The following NCBP3 variants were observed in gnomAD, a reference collection of about 807,000 sequenced individuals.
NCBP3 encodes nuclear cap-binding protein subunit 3.
Under a neutral mutation model 75.7 loss-of-function variants are expected in NCBP3, and 20 were observed. That is an observed-to-expected ratio of 0.26 (90% CI 0.19 to 0.38). NCBP3 has a LOEUF of 0.38. Ranked by LOEUF, NCBP3 falls within the 10% of genes least tolerant of loss-of-function variation. The pLI is 1.00. For synonymous variants in NCBP3, 293 were observed against 290.5 expected (o/e 1.01, Z -0.09); for missense variants, 678 against 796.9 (o/e 0.85, Z 1.80).
chr17:3,832,988 G>A (rs1277670612), intron 3 of NCBP3, among the ~76,000 whole-genome samples: 1 of 152,168 alleles, frequency 6.6e-6, no homozygotes, highest in African/African-American at 2.4e-5. Context: ...GGTGGCTCAT[G>A]CGTGTAATCC....
intron 1 of NCBP3, 142 bp from the exon 2 acceptor site, chr17:3,843,293 C>G: frequency 1.5e-6 from 1 of 667,438 alleles, no homozygotes; most frequent in East Asian, 2.7e-5. Flanking sequence ...TTGCCCAGGC[C>G]GGAGTGCAGT....
chr17:3,821,567 C>T (rs546502493), intron 8 of NCBP3, among the ~76,000 whole-genome samples: 7 of 152,102 alleles, frequency 4.6e-5, no homozygotes, highest in African/African-American at 1.4e-4. Context: ...GGATTACAGG[C>T]GCCCACCACC....
chr17:3,833,305 G>A lies in NCBP3; in HGVS notation c.356-3937C>T, dbSNP rs984341577. 3.9e-5 allele frequency among the ~76,000 whole-genome samples: 6 copies of A among 152,038 alleles called. No homozygotes were observed. The East Asian group carries it at 9.6e-4, about 24-fold the overall frequency. On this transcript the variant is annotated intron_variant, in intron 3 of 12. Coordinates refer to ENST00000389005, the MANE Select transcript of NCBP3 (RefSeq NM_001114118.3). Reference sequence around the variant, plus strand: ...ATTTTTTTATTTTTTGCAGAGATGGGGTTTTACCATGTTGCCCAGGCTGGT... The same window carrying A: ...ATTTTTTTATTTTTTGCAGAGATGGAGTTTTACCATGTTGCCCAGGCTGGT...
chr17:3,835,945 C>T (rs920886527), intron 3 of NCBP3, among the ~76,000 whole-genome samples: 2 of 152,208 alleles, frequency 1.3e-5, no homozygotes, highest in Admixed American at 1.3e-4. Flanking sequence ...AGCCTTGCTA[C>T]TTACATAGCT....
At chr17:3,826,865 T>G (rs1302536703) in intron 4 of NCBP3, among the ~76,000 whole-genome samples, 2 of 150,962 alleles carry the variant, frequency 1.3e-5, no homozygotes, top group Admixed American at 6.6e-5. Flanking sequence ...TACAAAAAAT[T>G]AGCCGGGCGT....
chr17:3,843,161 A>T lies in NCBP3; in HGVS notation c.184-10T>A. 1 of 1,550,980 alleles carries T rather than the reference A, an allele frequency of 6.4e-7. No individual in the cohort carries two copies. On this transcript the variant is annotated splice_polypyrimidine_tract_variant and intron_variant, in intron 1 of 12. Transcript: ENST00000389005. The stretch of plus-strand genomic sequence containing the variant: ...ATCTTCTGCTCGTGTCCTAACACAA[A>T]GGGGAAGGGTGAGAAATTCAGACAG...
intron 12 of NCBP3, 65 bp from the exon 13 acceptor site, chr17:3,813,344 G>C (rs1488763777): frequency 6.3e-7 from 1 of 1,581,116 alleles, no homozygotes; most frequent in Non-Finnish European, 8.6e-7. Context: ...GCACTGAGGG[G>C]GCAGCAGCAC....
rs947450075 is a variant in NCBP3 at position 3,818,751 on chromosome 17, A to G, written c.1001-179T>C. 3.3e-5 allele frequency among the ~76,000 whole-genome samples: 5 copies of G among 152,230 alleles called. No individual in the cohort carries two copies. Among genetic ancestry groups the G allele is most frequent in the Non-Finnish European group, 7.3e-5 (5 of 68,038 alleles). Reference sequence around the variant, plus strand: ...CTGATACTGCAACAGGAGGATGGCTAGGTAAAGTATGATGCAGCAGCCTAA... The same window carrying G: ...CTGATACTGCAACAGGAGGATGGCTGGGTAAAGTATGATGCAGCAGCCTAA... On this transcript the variant is annotated intron_variant, in intron 9 of 12. Transcript: ENST00000389005. This position sits in a 1 kb window ranked among gnomAD's most constrained non-coding sequence, Gnocchi z 4.7.
Position 3,813,250 on chromosome 17 carries a change from G to C in NCBP3, c.1657C>G (p.Pro553Ala). 1 of 1,614,202 alleles carries C rather than the reference G, an allele frequency of 6.2e-7. No homozygotes were observed. Among genetic ancestry groups the C allele is most frequent in the South Asian group, 1.1e-5 (1 of 91,080 alleles). Residue 553 changes from proline to alanine, a missense_variant, in exon 13 of 13, where the codon CCC becomes GCC. Physicochemically the swap from Pro to Ala is conservative, Grantham distance 27. Transcript: ENST00000389005. ...TTCGTATTCTTTTCTTTGGTCTTGGGTGCAGATCCTAGGCGAGTCCATAAA... is the reference window on the plus strand; with the variant it reads ...TTCGTATTCTTTTCTTTGGTCTTGGCTGCAGATCCTAGGCGAGTCCATAAA... ...GNLWTRLGSA[P>A]KTKEKNTKKV...
rs2053431216 is a variant in NCBP3, at chr17:3,812,301, C to A, written c.*743G>T. 1 of 155,226 alleles carries A rather than the reference C, an allele frequency of 6.4e-6. No individual in the cohort carries two copies. Among genetic ancestry groups the A allele is most frequent in the South Asian group, 2.0e-4 (1 of 4,886 alleles). The allele number at this position is 155,226 out of a possible 1,614,324, so 9.6% of individuals were successfully genotyped here. ...ACATAATACAGACTTAAAAATTCTTCAACATTGACCCATAATCCCACCCCA... is the reference window on the plus strand; with the variant it reads ...ACATAATACAGACTTAAAAATTCTTAAACATTGACCCATAATCCCACCCCA... On this transcript the variant is annotated 3_prime_UTR_variant, in exon 13 of 13. Transcript: ENST00000389005.
intron 3 of NCBP3, among the ~76,000 whole-genome samples, chr17:3,837,040 C>T (rs144304939): frequency 0.022 from 3,313 of 151,502 alleles, 43 homozygotes; most frequent in Middle Eastern, 0.044. Flanking sequence ...CCCAGCTACT[C>T]GGGAGGCTGA....
intron 3 of NCBP3, among the ~76,000 whole-genome samples, chr17:3,839,194 C>G (rs2054024521): frequency 6.6e-6 from 1 of 152,014 alleles, no homozygotes; most frequent in Non-Finnish European, 1.5e-5. Context: ...TTCTAGGGAG[C>G]AAAATACCCC....
chr17:3,822,256 T>C (rs1324004113), intron 7 of NCBP3: 2 of 477,782 alleles, frequency 4.2e-6, no homozygotes, highest in Non-Finnish European at 7.4e-6. Flanking sequence ...CAGAGACGAA[T>C]GAGGTTAAAA....
chr17:3,837,995 T>TAAAA (rs1567594880), intron 3 of NCBP3, among the ~76,000 whole-genome samples: 8 of 132,034 alleles, frequency 6.1e-5, no homozygotes, highest in African/African-American at 1.3e-4. Flanking sequence ...AAAAAAAATT[T>TAAAA]TTTTAAATTA....
chr17:3,842,447 C>T (rs1181544587), intron 2 of NCBP3, among the ~76,000 whole-genome samples: 2 of 152,094 alleles, frequency 1.3e-5, no homozygotes, highest in Non-Finnish European at 2.9e-5. Flanking sequence ...CTACCATCTG[C>T]CAGGCACTTT....
At position 3,806,959 on chromosome 17, in the gene NCBP3, T is replaced by C. The variant is rs1456926415; in HGVS notation, c.*6085A>G. On this transcript the variant is annotated 3_prime_UTR_variant, in exon 13 of 13. Coordinates refer to ENST00000389005, the MANE Select transcript of NCBP3 (RefSeq NM_001114118.3). Reference sequence around the variant, plus strand: ...TAAAAGCAATTACTGTACTTATGTATCGAACTTATTTGTGTAGCAACTAAT... The same window carrying C: ...TAAAAGCAATTACTGTACTTATGTACCGAACTTATTTGTGTAGCAACTAAT... 2 of 152,224 alleles carry C rather than the reference T, an allele frequency of 1.3e-5. No homozygotes were observed. Among genetic ancestry groups the C allele is most frequent in the South Asian group, 2.1e-4 (1 of 4,832 alleles). 9.4% of individuals were successfully genotyped at this position (152,224 alleles called of 1,614,324 possible).
At position 3,813,195 on chromosome 17, in the gene NCBP3, T is replaced by G; in HGVS notation, c.1712A>C (p.Glu571Ala). The G allele has an allele frequency of 6.2e-6, 10 of 1,614,266 alleles. No homozygotes were observed. Among genetic ancestry groups the G allele is most frequent in the Non-Finnish European group, 8.5e-6 (10 of 1,180,052 alleles). Residue 571 changes from glutamate (E) to alanine (A), a missense_variant, in exon 13 of 13, where the codon GAG (glutamate) becomes GCG (alanine). By Grantham distance (107) the Glu-to-Ala change is moderately radical. Coordinates refer to ENST00000389005, the MANE Select transcript of NCBP3 (RefSeq NM_001114118.3). ...KKVDHRAPGA[E>A]EDDSELQRAW... is the part of the protein sequence containing the mutation. ...CCTTTGCAGCTCAGAGTCGTCTTCC[T>G]CAGCGCCAGGCGCCCTGTGATCCAC...
rs564811402 is a variant in NCBP3, at chr17:3,808,999, G to C, written c.*4045C>G. 1 of 152,288 alleles carries C rather than the reference G, an allele frequency of 6.6e-6. No homozygotes were observed. The highest frequency in any genetic ancestry group is 2.1e-4 in the South Asian group (1 of 4,826). The allele number at this position is 152,288 out of a possible 1,614,324, so 9.4% of individuals were successfully genotyped here. A position where few individuals can be genotyped will look rare whatever the true frequency, so the allele number is the denominator to read the frequency against. ...GGGAAATACAAATCAAAACCACAAT[G>C]AGAGCCAGGCGTGGTGGCTCATGCC... is the stretch of plus-strand genomic sequence containing the variant. On this transcript the variant is annotated 3_prime_UTR_variant, in exon 13 of 13. Transcript: ENST00000389005.
intron 4 of NCBP3, among the ~76,000 whole-genome samples, chr17:3,828,400 C>T (rs1467709853): frequency 6.6e-6 from 1 of 152,130 alleles, no homozygotes; most frequent in African/African-American, 2.4e-5. Context: ...CTGCCAATTC[C>T]CGATTTGGAT....
Sources: allele counts gnomAD v4.1 joint callset (sites outside exome capture counted in the v4.1 genomes callset), GRCh38; gene constraint gnomAD v4.1.1; non-coding constraint Gnocchi (gnomAD v3.1); transcripts MANE v1.5; gene names NCBI Gene and HGNC (gene_info 2026-07-23, HGNC 2026-07-21).